Variants in FAM177A1 observed in about 807,000 individuals in gnomAD.
The protein encoded by FAM177A1 is protein FAM177A1.
Under a neutral mutation model 26.1 loss-of-function variants are expected in FAM177A1, and 22 were observed. The ratio of observed to expected loss-of-function variants is 0.84; its 90% CI spans 0.60 to 1.20. The LOEUF is 1.20. FAM177A1 is among the 50% of genes most tolerant of loss of function. The pLI is 0.00. For synonymous variants in FAM177A1, 95 were observed against 99.3 expected (o/e 0.96, Z 0.26); for missense variants, 296 against 291.1 (o/e 1.02, Z -0.12).
intron 1 of FAM177A1, 121 bp downstream of exon 1, chr14:35,046,749 C>T (rs1229511384): frequency 4.3e-6 from 6 of 1,407,286 alleles, no homozygotes; most frequent in South Asian, 1.5e-5. Flanking sequence ...TTTGGAGTTC[C>T]TCCTCACTGC....
rs199770102 is a variant in FAM177A1 at position 35,077,158 on chromosome 14, T to C, written c.348T>C (p.Leu116=). The C allele has an allele frequency of 6.2e-6, 10 of 1,613,936 alleles. No homozygotes were observed. In the Middle Eastern group the frequency reaches 9.9e-4, roughly 160 times the overall value. ...ATGATTTCTTGTTGCAGACAAAACT[T>C]ACCTGGGGTCCCTACTTATGGTTTT... The part of the protein sequence containing the change: ...DVLPTVDPTK[L]TWGPYLWFYM... Residue 116 remains leucine, a synonymous_variant, in exon 3 of 5, where the codon CTT becomes CTC. Transcript: ENST00000280987.
rs2044859865 is a variant in FAM177A1, at chr14:35,046,298, TGCGGAGCCCGGCGGGCTAGGCGAGGC to T, written c.-161_-136del. 1 of 751,276 alleles carries T rather than the reference TGCGGAGCCCGGCGGGCTAGGCGAGGC, an allele frequency of 1.3e-6. No homozygotes were observed. Among genetic ancestry groups the T allele is most frequent in the African/African-American group, 1.9e-5 (1 of 53,742 alleles). The allele number at this position is 751,276 out of a possible 1,614,324, so 46.5% of individuals were successfully genotyped here. On this transcript the variant is annotated 5_prime_UTR_variant, in exon 1 of 5. Coordinates refer to ENST00000280987, the MANE Select transcript of FAM177A1 (RefSeq NM_173607.5). Reference sequence around the variant, plus strand: ...GACTGCAGTTGGCCAGCTCTCGGGGTGCGGAGCCCGGCGGGCTAGGCGAGGCGCGGGCTGGCCCCGCCCCTCAGGCC... The same window carrying T: ...GACTGCAGTTGGCCAGCTCTCGGGGTGCGGGCTGGCCCCGCCCCTCAGGCC...
chr14:35,056,567 C>T (rs1487517401), intron 2 of FAM177A1, among the ~76,000 whole-genome samples: 3 of 152,024 alleles, frequency 2.0e-5, no homozygotes, highest in South Asian at 2.1e-4. Flanking sequence ...ACATGTTGGT[C>T]AGGCTGGTCT....
chr14:35,067,525 GT>G (rs1364462657), intron 2 of FAM177A1, among the ~76,000 whole-genome samples: 5 of 152,084 alleles, frequency 3.3e-5, no homozygotes, highest in Admixed American at 6.6e-5. Context: ...ACTGATTCCA[GT>G]TCCTTTCAAT....
In FAM177A1 at chr14:35,082,825, A is replaced by G. The variant is rs1267864866; in HGVS notation, c.*1597A>G. 6.6e-6 allele frequency: 1 copy of G among 152,230 alleles called. No homozygotes were observed. The highest frequency in any genetic ancestry group is 2.4e-5 in the African/African-American group (1 of 41,466). The allele number at this position is 152,230 out of a possible 1,614,324, so 9.4% of individuals were successfully genotyped here. A position where few individuals can be genotyped will look rare whatever the true frequency, so the allele number is the denominator to read the frequency against. On this transcript the variant is annotated 3_prime_UTR_variant, in exon 5 of 5. Transcript: ENST00000280987. ...AGTGGGTCTGTAATGGAAATCTGTCAATGAACATGAACTGAGTTCTTCAAC... is the reference window on the plus strand; with the variant it reads ...AGTGGGTCTGTAATGGAAATCTGTCGATGAACATGAACTGAGTTCTTCAAC...
chr14:35,048,557 CTTATATA>C lies in FAM177A1; in HGVS notation c.165+1938_165+1944del, dbSNP rs745662227. On this transcript the variant is annotated intron_variant, in intron 1 of 4. Transcript: ENST00000280987. ...TTTTATCATTCAATATTATATATTT[CTTATATA>C]TTATATATATTATTAAATATTAAAT... 9.4e-5 allele frequency among the ~76,000 whole-genome samples: 14 copies of C among 148,682 alleles called. No homozygotes were observed. The South Asian group carries it at 1.9e-3, about 20-fold the overall frequency.
At chr14:35,056,837 GTTATC>G (rs2045069333) in intron 2 of FAM177A1, among the ~76,000 whole-genome samples, 4 of 152,118 alleles carry the variant, frequency 2.6e-5, no homozygotes, top group African/African-American at 7.2e-5. Context: ...CATTTTATCT[GTTATC>G]TTATTTGTTG....
At chr14:35,072,708 G>C (rs2045340942) in intron 2 of FAM177A1, among the ~76,000 whole-genome samples, 1 of 152,092 alleles carries the variant, frequency 6.6e-6, no homozygotes, top group Non-Finnish European at 1.5e-5. Context: ...TGGCACTGCT[G>C]CTTTTACATC....
chr14:35,081,389 G>A lies in FAM177A1; in HGVS notation c.*161G>A, dbSNP rs2045482228. The A allele has an allele frequency of 1.5e-6, 1 of 678,678 alleles. No individual in the cohort carries two copies. Among genetic ancestry groups the A allele is most frequent in the Non-Finnish European group, 2.3e-6 (1 of 442,498 alleles). 42.0% of individuals were successfully genotyped at this position (678,678 alleles called of 1,614,324 possible). On this transcript the variant is annotated 3_prime_UTR_variant, in exon 5 of 5. Transcript: ENST00000280987. ...TTTCTTCATTTTTAGGATCTATCTAGCAAAAGCCAGATCTGAAATTCAGAT... is the reference window on the plus strand; with the variant it reads ...TTTCTTCATTTTTAGGATCTATCTAACAAAAGCCAGATCTGAAATTCAGAT...
upstream of FAM177A1, chr14:35,046,265 G>A (rs2044858721): frequency 4.0e-6 from 2 of 505,044 alleles, no homozygotes; most frequent in Non-Finnish European, 6.4e-6. Context: ...CGGTAGTTGC[G>A]CCTCCCAGAC....
Position 35,046,550 on chromosome 14 carries a change from G to A in FAM177A1, c.87G>A (p.Val29=). The change falls in exon 1 of 5, where the codon GTG becomes GTA. Residue 29 remains valine, a synonymous_variant. Transcript: ENST00000280987. ...VVATTMDQEP[V]GGVERGEAVA... ...CGACGACGATGGACCAGGAGCCAGT[G>A]GGCGGTGTGGAACGAGGAGAAGCCG... 1 of 1,597,022 alleles carries A rather than the reference G, an allele frequency of 6.3e-7. No individual in the cohort carries two copies. Among genetic ancestry groups the A allele is most frequent in the East Asian group, 2.3e-5 (1 of 43,890 alleles).
chr14:35,076,190 CCCAAATGT>C (rs1200951508), intron 2 of FAM177A1, among the ~76,000 whole-genome samples: 1 of 152,138 alleles, frequency 6.6e-6, no homozygotes, highest in Non-Finnish European at 1.5e-5. Flanking sequence ...TTGGAACCAA[CCCAAATGT>C]CCATCAATGA....
intron 3 of FAM177A1, among the ~76,000 whole-genome samples, chr14:35,078,672 CAT>C (rs2045433098): frequency 6.6e-6 from 1 of 152,044 alleles, no homozygotes; most frequent in African/African-American, 2.4e-5. Flanking sequence ...TTCTTAAAGA[CAT>C]AGATATATAA....
At chr14:35,047,773 CAACAACAA>C (rs2044895112) in intron 1 of FAM177A1, among the ~76,000 whole-genome samples, 1 of 136,802 alleles carries the variant, frequency 7.3e-6, no homozygotes, top group Non-Finnish European at 1.6e-5. Context: ...ACAACAACAA[CAACAACAA>C]CAAAAAAAAA....
intron 2 of FAM177A1, among the ~76,000 whole-genome samples, chr14:35,076,784 A>G (rs2045403278): frequency 6.6e-6 from 1 of 151,794 alleles, no homozygotes. Context: ...TTGACTGAAC[A>G]CCCCCTCTGG....
At chr14:35,051,331 G>A (rs1354547696) in intron 1 of FAM177A1, among the ~76,000 whole-genome samples, 5 of 151,934 alleles carry the variant, frequency 3.3e-5, no homozygotes, top group African/African-American at 4.8e-5. Flanking sequence ...TGTTGGCCGG[G>A]CTGGTCTCCA....
chr14:35,060,874 GCAT>G (rs1433999702), intron 2 of FAM177A1, among the ~76,000 whole-genome samples: 1 of 152,118 alleles, frequency 6.6e-6, no homozygotes. Flanking sequence ...GTTCTGAGTA[GCAT>G]CATAAAATCT....
chr14:35,071,907 C>G (rs1426531090), intron 2 of FAM177A1, among the ~76,000 whole-genome samples: 1 of 152,154 alleles, frequency 6.6e-6, no homozygotes, highest in African/African-American at 2.4e-5. Flanking sequence ...TTACCTAGAG[C>G]ATAAAGTCAA....
At chr14:35,046,162 T>C, upstream of FAM177A1, 1 of 249,436 alleles carries the variant, frequency 4.0e-6, no homozygotes. Flanking sequence ...TCACAGGCGG[T>C]GCCAGGCGGG....
Sources: gnomAD v4.1 joint callset for allele counts (sites outside exome capture counted in the v4.1 genomes callset) on GRCh38, gnomAD v4.1.1 for gene constraint, MANE v1.5 for transcripts, NCBI Gene and HGNC (gene_info 2026-07-23, HGNC 2026-07-21) for gene names.